DENND4A: variants seen among roughly 807,000 people sequenced by gnomAD.
DENND4A encodes C-myc promoter-binding protein.
DENND4A carries 70 observed loss-of-function variants against 199.3 expected under a neutral mutation model. That is an observed-to-expected ratio of 0.35 (90% CI 0.29 to 0.43). The LOEUF (loss-of-function observed/expected upper bound fraction) is 0.43, where lower values mean the gene tolerates loss of function less well. Among genes scored for constraint, DENND4A ranks in the 20% least tolerant of loss-of-function variants. DENND4A has a pLI of 1.00. For synonymous variants in DENND4A, 686 were observed against 766.9 expected (o/e 0.89, Z 1.74); for missense variants, 1,723 against 2,255.8 (o/e 0.76, Z 4.78).
At position 65,690,761 on chromosome 15, in the gene DENND4A, T is replaced by C. The variant is rs757153446; in HGVS notation, c.3833A>G (p.Asp1278Gly). The C allele has an allele frequency of 2.5e-6, 4 of 1,613,456 alleles. No homozygotes were observed. Among genetic ancestry groups the C allele is most frequent in the African/African-American group, 1.3e-5 (1 of 74,920 alleles). Residue 1278 changes from aspartate to glycine, a missense_variant, in exon 23 of 33, where the codon GAT becomes GGT. Asp to Gly is a moderately conservative substitution (Grantham distance 94). Coordinates refer to ENST00000443035, the MANE Select transcript of DENND4A (RefSeq NM_001320835.1). ...PSIDLQRACD[D>G]KLNKKSPPLV... ...TGGTGGACTTTTCTTATTTAATTTATCATCACATGCCCGTTGTAAATCAAT... is the reference window on the plus strand; with the variant it reads ...TGGTGGACTTTTCTTATTTAATTTACCATCACATGCCCGTTGTAAATCAAT...
intron 6 of DENND4A, 91 bp downstream of exon 6, chr15:65,738,615 T>TG: frequency 2.7e-6 from 3 of 1,093,808 alleles, no homozygotes; most frequent in Non-Finnish European, 3.9e-6. Flanking sequence ...TCATTCAATT[T>TG]AATCAGTTTT....
At chr15:65,777,163 G>A (rs186746666) in intron 1 of DENND4A, among the ~76,000 whole-genome samples, 2 of 152,118 alleles carry the variant, frequency 1.3e-5, no homozygotes, top group East Asian at 3.9e-4. Flanking sequence ...GTAAGACGCT[G>A]TCTCAAAATA....
At position 65,660,639 on chromosome 15, in the gene DENND4A, T is replaced by C. The variant is rs1179662923; in HGVS notation, c.*1212A>G. The stretch of plus-strand genomic sequence containing the variant: ...TATTTTTAAAGCTATTTAATACTCA[T>C]GATGTCTAAACTTTCAATTTATTGT... On this transcript the variant is annotated 3_prime_UTR_variant, in exon 33 of 33. Transcript: ENST00000443035. The C allele has an allele frequency of 3.3e-5, 7 of 209,106 alleles. No homozygotes were observed. Among genetic ancestry groups the C allele is most frequent in the Admixed American group, 1.1e-4 (2 of 17,704 alleles). 13.0% of individuals were successfully genotyped at this position (209,106 alleles called of 1,614,324 possible).
At position 65,706,171 on chromosome 15, in the gene DENND4A, G is replaced by C; in HGVS notation, c.2007C>G (p.Phe669Leu). 6.2e-7 allele frequency: 1 copy of C among 1,606,116 alleles called. No homozygotes were observed. Among genetic ancestry groups the C allele is most frequent in the Non-Finnish European group, 8.5e-7 (1 of 1,176,204 alleles). Residue 669 changes from phenylalanine (F) to leucine (L), a missense_variant, in exon 15 of 33, where the codon TTC becomes TTG. This residue lies in a region of DENND4A where 725 missense variants were observed against 952.9 expected (regional missense o/e 0.76). Coordinates refer to ENST00000443035, the MANE Select transcript of DENND4A (RefSeq NM_001320835.1). ...TTACAAAAACAGTGTGTTCACTTTTGAAAGATTCATCCAGTTCTATAAGTC... is the reference window on the plus strand; with the variant it reads ...TTACAAAAACAGTGTGTTCACTTTTCAAAGATTCATCCAGTTCTATAAGTC... The part of the protein sequence containing the change: ...EVRLIELDES[F>L]KSEHTVFVTP...
intron 8 of DENND4A, 119 bp from the exon 9 acceptor site, chr15:65,731,819 C>G (rs978303121): frequency 1.5e-6 from 1 of 672,670 alleles, no homozygotes; most frequent in Non-Finnish European, 2.5e-6. Flanking sequence ...TATCCATTTA[C>G]CAGTATCAGA....
At chr15:65,791,713 C>G (rs1233283824) in intron 1 of DENND4A, among the ~76,000 whole-genome samples, 1 of 151,956 alleles carries the variant, frequency 6.6e-6, no homozygotes, top group East Asian at 1.9e-4. Flanking sequence ...CCCCCACTCC[C>G]AAATAACAAC....
Position 65,756,436 on chromosome 15 carries a change from C to T in DENND4A, c.15G>A (p.Lys5=). Residue 5 remains lysine (K), a synonymous_variant, in exon 3 of 33, where the codon AAG becomes AAA. Coordinates refer to ENST00000443035, the MANE Select transcript of DENND4A (RefSeq NM_001320835.1). ...CAAAGTAGTCAGCAACACGAGGCCC[C>T]TTGTCTTCAATCATCTTCCATTACA... MIED[K]GPRVADYFVV... is the part of the protein sequence containing the mutation. 6.2e-7 allele frequency: 1 copy of T among 1,606,968 alleles called. No homozygotes were observed. Among genetic ancestry groups the T allele is most frequent in the African/African-American group, 1.3e-5 (1 of 74,510 alleles).
chr15:65,778,217 G>T (rs1567104064), intron 1 of DENND4A, among the ~76,000 whole-genome samples: 1 of 151,946 alleles, frequency 6.6e-6, no homozygotes, highest in Non-Finnish European at 1.5e-5. Flanking sequence ...GATTAATAGG[G>T]AATTTCTTAG....
Position 65,690,672 on chromosome 15 carries a change from TGG to T in DENND4A, c.3920_3921del (p.Thr1307LysfsTer3). ...TCACTTTTTGTGTAACTTTTAGATT[TGG>T]TAAGTCTCACTGGCTTAGGAGAATT... ...PPNSPKPVRL[T>X]KSKSYTKSEE... On this transcript the variant is annotated frameshift_variant, in exon 23 of 33. Transcript: ENST00000443035. LOFTEE classifies it high-confidence loss of function. 3 of 1,613,766 alleles carry T rather than the reference TGG, an allele frequency of 1.9e-6. No individual in the cohort carries two copies. Among genetic ancestry groups the T allele is most frequent in the Non-Finnish European group, 2.5e-6 (3 of 1,179,792 alleles).
chr15:65,662,864 C>T (rs1448081543), intron 32 of DENND4A, among the ~76,000 whole-genome samples: 2 of 152,150 alleles, frequency 1.3e-5, no homozygotes, highest in Non-Finnish European at 2.9e-5. Context: ...AGCAAGTGAG[C>T]TTCTCTAGCT....
intron 20 of DENND4A, among the ~76,000 whole-genome samples, chr15:65,698,726 CTTTTTTTTTTTTT>C (rs71139423): frequency 2.7e-5 from 2 of 72,748 alleles, no homozygotes; most frequent in African/African-American, 1.2e-4. Context: ...TTAAGATAGC[CTTTTTTTTTTTTT>C]TTTTTTTTTT....
At position 65,746,381 on chromosome 15, in the gene DENND4A, T is replaced by C. The variant is rs1225417346; in HGVS notation, c.562-4597A>G. 1.9e-3 allele frequency among the ~76,000 whole-genome samples: 213 copies of C among 113,058 alleles called. 3 individuals carry two copies. The highest frequency in any genetic ancestry group is 7.8e-3 in the African/African-American group (207 of 26,650). 74.2% of individuals were successfully genotyped at this position (113,058 alleles called of 152,430 possible). A position where few individuals can be genotyped will look rare whatever the true frequency, so the allele number is the denominator to read the frequency against. ...TCTACTTTTTTCTCTTTTTTTTTTT[T>C]TTTTTTTTTTTTTTTTTTTTTTTGA... On this transcript the variant is annotated intron_variant, in intron 4 of 32. Transcript: ENST00000443035.
chr15:65,751,852 C>G (rs2076571133), intron 4 of DENND4A, among the ~76,000 whole-genome samples: 1 of 151,932 alleles, frequency 6.6e-6, no homozygotes, highest in Admixed American at 6.6e-5. Context: ...AGGAATGGGA[C>G]AGAATATACT....
Position 65,722,935 on chromosome 15 carries a change from T to C in DENND4A, c.1501A>G (p.Lys501Glu). 1.2e-6 allele frequency: 2 copies of C among 1,606,090 alleles called. No individual in the cohort carries two copies. Among genetic ancestry groups the C allele is most frequent in the South Asian group, 1.1e-5 (1 of 89,372 alleles). Reference sequence around the variant, plus strand: ...GGAAGTATCTTCCAGGCTACATTTTTCTTGTCACCAATTCTAAGATTAAAT... The same window carrying C: ...GGAAGTATCTTCCAGGCTACATTTTCCTTGTCACCAATTCTAAGATTAAAT... ...TNTISQIGDK[K>E]NVAWKILPKK... Residue 501 changes from lysine to glutamate, a missense_variant, in exon 12 of 33, where the codon AAA becomes GAA. This residue lies in a region of DENND4A where 725 missense variants were observed against 952.9 expected (regional missense o/e 0.76). Coordinates refer to ENST00000443035, the MANE Select transcript of DENND4A (RefSeq NM_001320835.1).
At chr15:65,757,134 G>A (rs145388316) in intron 2 of DENND4A, among the ~76,000 whole-genome samples, 125 of 152,220 alleles carry the variant, frequency 8.2e-4, no homozygotes, top group African/African-American at 2.9e-3. Context: ...GAAATTCCTA[G>A]GTCCCCAAAA....
chr15:65,671,469 A>C (rs1300850839), intron 25 of DENND4A, among the ~76,000 whole-genome samples: 1 of 152,104 alleles, frequency 6.6e-6, no homozygotes, highest in East Asian at 1.9e-4. Context: ...GGCTCACTGC[A>C]ATCTCTGCCT....
intron 2 of DENND4A, among the ~76,000 whole-genome samples, chr15:65,760,955 T>G (rs2140750936): frequency 6.6e-6 from 1 of 152,338 alleles, no homozygotes; most frequent in South Asian, 2.1e-4. Context: ...TAAGTTTTTT[T>G]GAGAACTACC....
At chr15:65,696,533 A>C in intron 21 of DENND4A, 36 bp from the exon 22 acceptor site, 1 of 1,530,838 alleles carries the variant, frequency 6.5e-7, no homozygotes, top group Non-Finnish European at 9.0e-7. Context: ...AATAAAATGA[A>C]ATCTATATAC....
At chr15:65,708,031 C>T (rs189689636) in intron 14 of DENND4A, among the ~76,000 whole-genome samples, 1 of 152,074 alleles carries the variant, frequency 6.6e-6, no homozygotes, top group Non-Finnish European at 1.5e-5. Context: ...GGGTCTTGCT[C>T]TGTTGCCCAG....
Sources: gnomAD v4.1 joint callset for allele counts (sites outside exome capture counted in the v4.1 genomes callset) on GRCh38, gnomAD v4.1.1 for gene constraint, gnomAD v4.1.1 regional missense constraint, MANE v1.5 for transcripts, NCBI Gene and HGNC (gene_info 2026-07-23, HGNC 2026-07-21) for gene names.